The following SLC24A2 variants were observed in gnomAD, a reference collection of about 807,000 sequenced individuals.
The protein encoded by SLC24A2 is solute carrier family 24 member 2.
SLC24A2 carries 36 observed loss-of-function variants against 62.0 expected under a neutral mutation model. The observed-to-expected ratio is 0.58, with a 90% CI of 0.44 to 0.77. SLC24A2 has a LOEUF of 0.77. Ranked by LOEUF, SLC24A2 falls within the 30% of genes least tolerant of loss-of-function variation. The pLI, the probability that SLC24A2 is intolerant of heterozygous loss-of-function variation, is 0.00. For synonymous variants in SLC24A2, 358 were observed against 294.0 expected (o/e 1.22, Z -2.23); for missense variants, 846 against 817.9 (o/e 1.03, Z -0.42).
At chr9:19,683,863 G>C (rs950353721) in intron 2 of SLC24A2, among the ~76,000 whole-genome samples, 1 of 152,040 alleles carries the variant, frequency 6.6e-6, no homozygotes, top group African/African-American at 2.4e-5. Flanking sequence ...CCTGGGCCCA[G>C]GGGCTCCACA....
intron 2 of SLC24A2, among the ~76,000 whole-genome samples, chr9:19,671,676 A>C (rs530932505): frequency 6.6e-6 from 1 of 152,126 alleles, no homozygotes; most frequent in African/African-American, 2.4e-5. Context: ...TTTCAGTATT[A>C]GGTTGGCTGT....
chr9:19,825,629 C>G, the SLC24A2 span, among the ~76,000 whole-genome samples: 129,344 of 152,088 alleles, frequency 0.85, 55,948 homozygotes, highest in Non-Finnish European at 0.94. Flanking sequence ...CTCATTCATT[C>G]TGGGATGTAG....
At chr9:19,799,130 T>A in the SLC24A2 span, among the ~76,000 whole-genome samples, 4 of 152,136 alleles carry the variant, frequency 2.6e-5, no homozygotes, top group African/African-American at 9.7e-5. Flanking sequence ...ACTGTTTCTA[T>A]TTGTTTTCTT....
At chr9:19,626,809 A>C (rs1818046281) in intron 2 of SLC24A2, among the ~76,000 whole-genome samples, 1 of 152,226 alleles carries the variant, frequency 6.6e-6, no homozygotes, top group Admixed American at 6.5e-5. Flanking sequence ...TACTGTAATA[A>C]ATAAAAACAT....
chr9:19,630,400 A>T (rs747282232), intron 2 of SLC24A2, among the ~76,000 whole-genome samples: 3 of 152,092 alleles, frequency 2.0e-5, no homozygotes, highest in Non-Finnish European at 2.9e-5. Flanking sequence ...CAGTAACAAA[A>T]TTTTTTTGCC....
At chr9:20,189,355 G>A in the SLC24A2 span, among the ~76,000 whole-genome samples, 5 of 152,160 alleles carry the variant, frequency 3.3e-5, no homozygotes, top group Non-Finnish European at 1.5e-5. Context: ...GAGCTCTGGA[G>A]GCTTGGTGGG....
At chr9:20,159,500 G>C in the SLC24A2 span, among the ~76,000 whole-genome samples, 6 of 151,602 alleles carry the variant, frequency 4.0e-5, no homozygotes, top group Admixed American at 4.0e-4. Context: ...TATGGAGATG[G>C]ACTGATAGAG....
In SLC24A2 at chr9:19,615,936, C is replaced by CAGGAACA. The variant is rs1210826670; in HGVS notation, c.1078+3641_1078+3647dup. Among the ~76,000 whole-genome samples, 3 of 150,900 alleles carry CAGGAACA rather than the reference C, an allele frequency of 2.0e-5. No homozygotes were observed. The East Asian group carries it at 5.9e-4, about 30-fold the overall frequency. ...AAACTGAATTCTTCCAAACAAAAAC[C>CAGGAACA]AGGAACATTTAGATTATTGAGACCT... On this transcript the variant is annotated intron_variant, in intron 4 of 10. Transcript: ENST00000341998.
At chr9:20,014,485 A>G in the SLC24A2 span, among the ~76,000 whole-genome samples, 1 of 140,486 alleles carries the variant, frequency 7.1e-6, no homozygotes, top group Non-Finnish European at 1.5e-5. Context: ...GAATGGATAA[A>G]GAAAAATGTG....
chr9:19,587,136 A>G (rs1452875612), intron 5 of SLC24A2, among the ~76,000 whole-genome samples: 1 of 152,164 alleles, frequency 6.6e-6, no homozygotes, highest in East Asian at 1.9e-4. Context: ...GACATTATTC[A>G]TTTGGGGAGA....
chr9:19,916,981 G>GTTTGT, the SLC24A2 span, among the ~76,000 whole-genome samples: 1 of 72,022 alleles, frequency 1.4e-5, no homozygotes, highest in African/African-American at 5.4e-5. Flanking sequence ...TAACTTACCT[G>GTTTGT]TTTTTTTTTT....
the SLC24A2 span, among the ~76,000 whole-genome samples, chr9:19,829,755 T>TTA: frequency 5.1e-4 from 65 of 127,554 alleles, no homozygotes; most frequent in African/African-American, 1.8e-3. Flanking sequence ...ACTTAAAGTT[T>TTA]TATATATATA....
the SLC24A2 span, among the ~76,000 whole-genome samples, chr9:20,048,858 C>T: frequency 4.6e-5 from 7 of 151,542 alleles, no homozygotes; most frequent in African/African-American, 1.5e-4. Flanking sequence ...CACCCCCATC[C>T]TATTTTTAAC....
intron 2 of SLC24A2, among the ~76,000 whole-genome samples, chr9:19,772,375 A>T (rs976164680): frequency 2.0e-5 from 3 of 152,140 alleles, no homozygotes; most frequent in African/African-American, 4.8e-5. Context: ...ACAAGATAGA[A>T]CAGCTTGGTA....
chr9:19,792,988 A>G (rs932971381), upstream of SLC24A2, among the ~76,000 whole-genome samples: 5 of 152,180 alleles, frequency 3.3e-5, no homozygotes, highest in African/African-American at 1.2e-4. Flanking sequence ...ACTCCTGACA[A>G]TGACCCTCAC....
the SLC24A2 span, among the ~76,000 whole-genome samples, chr9:20,294,948 C>A: frequency 6.6e-6 from 1 of 151,934 alleles, no homozygotes; most frequent in South Asian, 2.1e-4. Flanking sequence ...TTACTAAGCA[C>A]ACCCATTTTA....
chr9:19,546,629 G>T (rs1244592242), intron 8 of SLC24A2, among the ~76,000 whole-genome samples: 1 of 152,134 alleles, frequency 6.6e-6, no homozygotes, highest in Non-Finnish European at 1.5e-5. Flanking sequence ...GACTCCGTGG[G>T]GGTTGGACCC....
chr9:20,015,521 C>T, the SLC24A2 span, among the ~76,000 whole-genome samples: 4 of 152,224 alleles, frequency 2.6e-5, no homozygotes, highest in South Asian at 2.1e-4. Context: ...GCTTCACTTC[C>T]GCTTTCCAAT....
intron 5 of SLC24A2, among the ~76,000 whole-genome samples, chr9:19,594,392 A>C (rs1836645599): frequency 6.6e-6 from 1 of 152,204 alleles, no homozygotes; most frequent in South Asian, 2.1e-4. Flanking sequence ...TATATTTAGA[A>C]ATCATCTTTC....
Sources: allele counts gnomAD v4.1 joint callset (sites outside exome capture counted in the v4.1 genomes callset), GRCh38; gene constraint gnomAD v4.1.1; transcripts MANE v1.5; gene names NCBI Gene and HGNC (gene_info 2026-07-23, HGNC 2026-07-21).